The following COL9A3 variants were observed in gnomAD, a reference collection of about 807,000 sequenced individuals.
COL9A3 encodes the protein collagen type IX alpha 3 chain.
A neutral mutation model predicts 110.2 loss-of-function variants in COL9A3; 82 were observed. The observed-to-expected ratio is 0.74, with a 90% CI of 0.62 to 0.89. The LOEUF (loss-of-function observed/expected upper bound fraction) is 0.89. COL9A3 is among the 40% of genes least tolerant of loss of function. COL9A3 has a pLI of 0.00. For missense variants in COL9A3, 1,066 were observed against 981.3 expected (o/e 1.09, Z -1.15); for synonymous variants, 494 against 403.8 (o/e 1.22, Z -2.68).
intron 15 of COL9A3, 84 bp downstream of exon 15, chr20:62,826,904 C>T: frequency 4.7e-6 from 7 of 1,479,778 alleles, no homozygotes; most frequent in Non-Finnish European, 6.4e-6. Context: ...CCCCCAGCCC[C>T]ACTGGGGCCC....
In COL9A3 at chr20:62,826,772, C is replaced by T. The variant is rs1301250998; in HGVS notation, c.744C>T (p.Pro248=). The stretch of plus-strand genomic sequence containing the variant: ...ATCCCCTCTCTCCTCTGCAGGGTCC[C>T]ATTGGGTTCCGAGGGCCGCCTGGGA... The part of the protein sequence containing the change: ...GPLGPPGDRG[P]IGFRGPPGIP... Residue 248 remains proline, a synonymous_variant, in exon 15 of 32, where the codon CCC becomes CCT. Coordinates refer to ENST00000649368, the MANE Select transcript of COL9A3 (RefSeq NM_001853.4). 6.2e-7 allele frequency: 1 copy of T among 1,612,716 alleles called. No homozygotes were observed. Among genetic ancestry groups the T allele is most frequent in the Admixed American group, 1.7e-5 (1 of 60,004 alleles).
At chr20:62,834,480 AG>A (rs1204884302) in intron 26 of COL9A3, among the ~76,000 whole-genome samples, 1 of 152,104 alleles carries the variant, frequency 6.6e-6, no homozygotes, top group Non-Finnish European at 1.5e-5. Flanking sequence ...GGCTTTCCCG[AG>A]GGGGGTTTTC....
Position 62,836,338 on chromosome 20 carries a change from G to T in COL9A3, c.1548+5G>T, listed in dbSNP as rs749613543. The T allele has an allele frequency of 6.2e-7, 1 of 1,613,778 alleles. No individual in the cohort carries two copies. Among genetic ancestry groups the T allele is most frequent in the Non-Finnish European group, 8.5e-7 (1 of 1,180,026 alleles). On this transcript the variant is annotated splice_donor_5th_base_variant and intron_variant, in intron 28 of 31. Coordinates refer to ENST00000649368, the MANE Select transcript of COL9A3 (RefSeq NM_001853.4). The stretch of plus-strand genomic sequence containing the variant: ...ACGGGGAAGCCGGGAGTTCCGGTAC[G>T]TCGCTTTTCCGGCTTTTCCAGCTTT...
chr20:62,829,520 T>C, intron 20 of COL9A3, 21 bp downstream of exon 20: 1 of 1,608,560 alleles, frequency 6.2e-7, no homozygotes, highest in Non-Finnish European at 8.5e-7. Flanking sequence ...GCAGCCGCTT[T>C]CTCTCTGGGA....
chr20:62,832,111 T>G, intron 24 of COL9A3, 43 bp from the exon 25 acceptor site: 1 of 1,595,306 alleles, frequency 6.3e-7, no homozygotes, highest in South Asian at 1.1e-5. Context: ...ACTTTAGGGA[T>G]TCCTGCCATT....
rs1275581605 is a variant in COL9A3 at position 62,840,844 on chromosome 20, G to GC, written c.*116dup. 3 of 1,311,100 alleles carry GC rather than the reference G, an allele frequency of 2.3e-6. No individual in the cohort carries two copies. Among genetic ancestry groups the GC allele is most frequent in the African/African-American group, 2.9e-5 (2 of 68,034 alleles). The allele number at this position is 1,311,100 out of a possible 1,614,324, so 81.2% of individuals were successfully genotyped here. A position where few individuals can be genotyped will look rare whatever the true frequency, so the allele number is the denominator to read the frequency against. On this transcript the variant is annotated 3_prime_UTR_variant, in exon 32 of 32. Transcript: ENST00000649368. ...TCCAGGAGAGGGAGCGCCCCTGGCT[G>GC]CCCCTCGGCCGCCGACTGGACGCGC... is the stretch of plus-strand genomic sequence containing the variant.
chr20:62,817,214 G>C (rs1054740105), intron 1 of COL9A3, 72 bp downstream of exon 1: 17 of 1,136,430 alleles, frequency 1.5e-5, no homozygotes, highest in Middle Eastern at 3.3e-4. Flanking sequence ...CCGCCACTCC[G>C]GGGTGCCCGG....
intron 17 of COL9A3, among the ~76,000 whole-genome samples, 164 bp downstream of exon 17, chr20:62,828,140 T>G (rs532601025): frequency 2.6e-5 from 4 of 152,102 alleles, no homozygotes; most frequent in Non-Finnish European, 5.9e-5. Context: ...ATTTCTCTCT[T>G]GCCCAGAGCC....
At position 62,819,964 on chromosome 20, in the gene COL9A3, G is replaced by C. The variant is rs946967931; in HGVS notation, c.291G>C (p.Lys97Asn). Residue 97 changes from lysine (K) to asparagine (N), a missense_variant, in exon 5 of 32, where the codon AAG becomes AAC. Transcript: ENST00000649368. ...LTGRDGPPGP[K>N]GAPGERGSLG... ...GACGAGATGGACCCCCTGGACCCAA[G>C]GGTGCCCCTGGGGAACGGGTAAGTG... The C allele has an allele frequency of 4.3e-6, 7 of 1,612,880 alleles. No individual in the cohort carries two copies. In the Middle Eastern group the frequency reaches 1.2e-3, roughly 266 times the overall value.
chr20:62,831,850 A>G lies in COL9A3; in HGVS notation c.1288-304A>G, dbSNP rs956131339. ...GATGAGCTTTTGCATCTTTGACTCT[A>G]CTGTGACGGAATTATCCTGCAATTG... On this transcript the variant is annotated intron_variant, in intron 24 of 31. Coordinates refer to ENST00000649368, the MANE Select transcript of COL9A3 (RefSeq NM_001853.4). The G allele has an allele frequency of 8.6e-5, 42 of 487,560 alleles. No individual in the cohort carries two copies. The East Asian group carries it at 1.4e-3, about 16-fold the overall frequency. 30.2% of individuals were successfully genotyped at this position (487,560 alleles called of 1,614,324 possible). A position where few individuals can be genotyped will look rare whatever the true frequency, so the allele number is the denominator to read the frequency against.
rs2734543 is a variant in COL9A3 at position 62,822,223 on chromosome 20, A to G, written c.477+59A>G. 5.8e-5 allele frequency: 56 copies of G among 959,528 alleles called. 1 individual carries two copies. In the South Asian group the frequency reaches 6.8e-4, roughly 12 times the overall value. 59.4% of individuals were successfully genotyped at this position (959,528 alleles called of 1,614,324 possible). A position where few individuals can be genotyped will look rare whatever the true frequency, so the allele number is the denominator to read the frequency against. ...GGCATGGACTAGGACACTGGGTTGG[A>G]CCCTCCCCATTCCCCCTCCCCAGGC... is the stretch of plus-strand genomic sequence containing the variant. On this transcript the variant is annotated intron_variant, in intron 9 of 31. Coordinates refer to ENST00000649368, the MANE Select transcript of COL9A3 (RefSeq NM_001853.4).
At chr20:62,826,368 C>A (rs2147209866) in intron 14 of COL9A3, 111 bp downstream of exon 14, 2 of 1,059,166 alleles carry the variant, frequency 1.9e-6, no homozygotes, top group South Asian at 1.4e-5. Context: ...CAGCCGGCAC[C>A]CTGGCTCTGG....
At chr20:62,827,828 A>T in intron 16 of COL9A3, 95 bp from the exon 17 acceptor site, 1 of 1,370,648 alleles carries the variant, frequency 7.3e-7, no homozygotes, top group Non-Finnish European at 1.0e-6. Context: ...GCTGCCCACC[A>T]TAGCTCCTTG....
chr20:62,838,883 C>T, intron 31 of COL9A3, 122 bp downstream of exon 31: 1 of 825,988 alleles, frequency 1.2e-6, no homozygotes, highest in East Asian at 2.7e-5. Flanking sequence ...GCAAAGCAGT[C>T]TTAGAGACAA....
intron 10 of COL9A3, 129 bp from the exon 11 acceptor site, chr20:62,824,316 G>A: frequency 1.1e-6 from 1 of 947,172 alleles, no homozygotes; most frequent in Non-Finnish European, 1.7e-6. Flanking sequence ...CTGTCACCAT[G>A]AGGAGTGGCC....
chr20:62,819,114 C>G lies in COL9A3; in HGVS notation c.184-108C>G. The G allele has an allele frequency of 5.4e-6, 6 of 1,119,418 alleles. No individual in the cohort carries two copies. The East Asian group carries it at 1.5e-4, about 28-fold the overall frequency. 69.3% of individuals were successfully genotyped at this position (1,119,418 alleles called of 1,614,324 possible). ...GGGGGACCCAGGAGAGGGGCCCATC[C>G]CGTATGGTTGGGCTGGGGGGAAGTG... On this transcript the variant is annotated intron_variant, in intron 3 of 31. Coordinates refer to ENST00000649368, the MANE Select transcript of COL9A3 (RefSeq NM_001853.4).
rs370403515 is a variant in COL9A3 at position 62,833,182 on chromosome 20, C to A, written c.1368+118C>A. ...GCAGCTCCCGGTGGAAGATCGGCAG[C>A]TCTGCTGGGCAGCGTGGGGATGGAG... On this transcript the variant is annotated intron_variant, in intron 26 of 31. Coordinates refer to ENST00000649368, the MANE Select transcript of COL9A3 (RefSeq NM_001853.4). The A allele has an allele frequency of 1.1e-3, 901 of 852,626 alleles. 2 individuals are homozygous for A. The highest frequency in any genetic ancestry group is 1.4e-3 in the Non-Finnish European group (703 of 501,538). The allele number at this position is 852,626 out of a possible 1,614,324, so 52.8% of individuals were successfully genotyped here. A position where few individuals can be genotyped will look rare whatever the true frequency, so the allele number is the denominator to read the frequency against.
At chr20:62,832,755 T>C in intron 25 of COL9A3, 1 of 275,038 alleles carries the variant, frequency 3.6e-6, no homozygotes, top group East Asian at 2.2e-4. Context: ...CCTGCAGCCA[T>C]CGAACCCCCA....
chr20:62,840,348 C>T (rs574391477), intron 31 of COL9A3, among the ~76,000 whole-genome samples, 194 bp from the exon 32 acceptor site: 8 of 152,174 alleles, frequency 5.3e-5, no homozygotes, highest in Non-Finnish European at 7.4e-5. Flanking sequence ...GCCTGGCCTT[C>T]CCCGGACACT....
Sources: gnomAD v4.1 joint callset for allele counts (sites outside exome capture counted in the v4.1 genomes callset) on GRCh38, gnomAD v4.1.1 for gene constraint, MANE v1.5 for transcripts, NCBI Gene and HGNC (gene_info 2026-07-23, HGNC 2026-07-21) for gene names.